Variants in RBFOX1 observed in about 807,000 individuals in gnomAD.
The protein encoded by RBFOX1 is RNA binding protein fox-1 homolog 1.
RBFOX1 carries 8 observed loss-of-function variants against 57.7 expected under a neutral mutation model. The ratio of observed to expected loss-of-function variants is 0.14; its 90% CI spans 0.08 to 0.25. RBFOX1 has a LOEUF of 0.25. Ranked by LOEUF, RBFOX1 falls within the 10% of genes least tolerant of loss-of-function variation. The probability of loss-of-function intolerance (pLI) is 1.00; values close to 1 mark genes in which losing one functional copy is unlikely to be tolerated. For missense variants in RBFOX1, 611 were observed against 548.5 expected (o/e 1.11, Z -1.14); for synonymous variants, 326 against 222.4 (o/e 1.47, Z -4.15).
chr16:7,205,515 G>GAAAAA (rs60458342), intron 4 of RBFOX1, among the ~76,000 whole-genome samples: 7 of 125,630 alleles, frequency 5.6e-5, no homozygotes, highest in Non-Finnish European at 1.7e-5. Context: ...TCTGTCTCAG[G>GAAAAA]AAAAAAAAAA....
chr16:6,327,498 A>G (rs1420029), intron 2 of RBFOX1, among the ~76,000 whole-genome samples: 71,162 of 151,818 alleles, frequency 0.47, 17,074 homozygotes, highest in East Asian at 0.67. Flanking sequence ...GCTCATTTAC[A>G]GTCAGTTCGT....
intron 2 of RBFOX1, among the ~76,000 whole-genome samples, chr16:6,554,408 C>A (rs765887666): frequency 6.6e-6 from 1 of 151,924 alleles, no homozygotes; most frequent in East Asian, 1.9e-4. Context: ...CAAATGTGCA[C>A]GAGGCTTCCC....
At chr16:6,472,705 C>A (rs144671452) in intron 2 of RBFOX1, among the ~76,000 whole-genome samples, 4 of 151,724 alleles carry the variant, frequency 2.6e-5, no homozygotes, top group African/African-American at 9.7e-5. Context: ...CTCACTGCAA[C>A]CTCCGCCTCC....
chr16:5,553,441 G>A (rs35872296), intron 2 of RBFOX1, among the ~76,000 whole-genome samples: 2 of 151,178 alleles, frequency 1.3e-5, no homozygotes, highest in Admixed American at 6.6e-5. Context: ...TCAGCCTCCC[G>A]AGTAGCTGGG....
chr16:5,346,932 T>G (rs2065153469), intron 1 of RBFOX1, among the ~76,000 whole-genome samples: 1 of 152,212 alleles, frequency 6.6e-6, no homozygotes, highest in African/African-American at 2.4e-5. Flanking sequence ...TGGCTTGTGG[T>G]AAGTGCCCTG....
chr16:7,123,435 G>C (rs2067668457), intron 4 of RBFOX1, among the ~76,000 whole-genome samples: 1 of 152,142 alleles, frequency 6.6e-6, no homozygotes, highest in Non-Finnish European at 1.5e-5. Context: ...TGCCAATACA[G>C]CTCACTGTAA....
At chr16:6,148,243 C>T (rs930666453) in intron 1 of RBFOX1, among the ~76,000 whole-genome samples, 2 of 152,178 alleles carry the variant, frequency 1.3e-5, no homozygotes, top group Non-Finnish European at 2.9e-5. Flanking sequence ...AGGGGAATTG[C>T]TTGAATCTGG....
intron 1 of RBFOX1, among the ~76,000 whole-genome samples, chr16:6,256,283 GTGTGTATATA>G (rs2097666341): frequency 7.6e-6 from 1 of 130,864 alleles, no homozygotes; most frequent in Admixed American, 8.0e-5. Flanking sequence ...ATATATATAT[GTGTGTATATA>G]TATATGTATA....
chr16:7,151,926 T>C (rs182375360), intron 4 of RBFOX1, among the ~76,000 whole-genome samples: 2 of 152,300 alleles, frequency 1.3e-5, no homozygotes, highest in Non-Finnish European at 2.9e-5. Context: ...CTATGGGGAA[T>C]GGCTGTAAAT....
At position 5,362,513 on chromosome 16, in the gene RBFOX1, C is replaced by A. The variant is rs146726136; in HGVS notation, c.220-104703C>A. On this transcript the variant is annotated intron_variant, in intron 1 of 2. Transcript: ENST00000585867. ...GAGTAGCTGGGATTACAGGCATGCG[C>A]CAACACGCTTGGCTAATTTTGTATT... 1.0e-2 allele frequency among the ~76,000 whole-genome samples: 1,519 copies of A among 152,312 alleles called. 29 individuals are homozygous for A. Among genetic ancestry groups the A allele is most frequent in the African/African-American group, 0.035 (1,443 of 41,574 alleles).
At chr16:7,456,947 A>G (rs1207147240) in intron 4 of RBFOX1, among the ~76,000 whole-genome samples, 7 of 151,880 alleles carry the variant, frequency 4.6e-5, no homozygotes, top group African/African-American at 1.2e-4. Context: ...GCTGAGTGCA[A>G]TGGCGCGATC....
At chr16:5,490,647 G>C (rs919963079) in intron 2 of RBFOX1, among the ~76,000 whole-genome samples, 1 of 152,160 alleles carries the variant, frequency 6.6e-6, no homozygotes, top group African/African-American at 2.4e-5. Flanking sequence ...ACTCCTATCT[G>C]TGAGCTCCGA....
rs528808293 is a variant in RBFOX1, at chr16:6,818,404, CT to C, written c.-16+163755del. On this transcript the variant is annotated intron_variant, in intron 3 of 15. Coordinates refer to ENST00000550418, the MANE Select transcript of RBFOX1 (RefSeq NM_018723.4). ...CAAGTTTAGAAGAAATGAACTTCAT[CT>C]GACGTACAGATCCATGAGTGGCCAA... Among the ~76,000 whole-genome samples, 341 of 152,184 alleles carry C rather than the reference CT, an allele frequency of 2.2e-3. 2 individuals are homozygous for C. Among genetic ancestry groups the C allele is most frequent in the African/African-American group, 7.8e-3 (324 of 41,530 alleles).
At chr16:6,423,738 A>G (rs79827956) in intron 2 of RBFOX1, among the ~76,000 whole-genome samples, 5,962 of 152,244 alleles carry the variant, frequency 0.039, 413 homozygotes, top group African/African-American at 0.14. Context: ...GGGGAGGTGT[A>G]GGAATCCCAG....
chr16:7,220,143 C>T (rs1476518327), intron 4 of RBFOX1, among the ~76,000 whole-genome samples: 2 of 152,186 alleles, frequency 1.3e-5, no homozygotes, highest in African/African-American at 4.8e-5. Context: ...GCACCCATCT[C>T]CCCTCCCCAC....
intron 2 of RBFOX1, among the ~76,000 whole-genome samples, chr16:5,553,829 G>T (rs1429007786): frequency 6.6e-6 from 1 of 151,754 alleles, no homozygotes; most frequent in Non-Finnish European, 1.5e-5. Flanking sequence ...ATAATTAAAG[G>T]TCAACAAAAT....
chr16:7,146,243 C>T (rs905466772), intron 4 of RBFOX1, among the ~76,000 whole-genome samples: 2 of 152,148 alleles, frequency 1.3e-5, no homozygotes, highest in African/African-American at 2.4e-5. Flanking sequence ...TATGCAGGAA[C>T]AGCAGATGCC....
intron 3 of RBFOX1, among the ~76,000 whole-genome samples, chr16:6,814,222 A>C (rs114311299): frequency 6.9e-6 from 1 of 144,876 alleles, no homozygotes; most frequent in Non-Finnish European, 1.5e-5. Context: ...TTCTTCTTTC[A>C]TGTAATAACA....
chr16:5,327,831 C>T (rs1330310171), intron 1 of RBFOX1, among the ~76,000 whole-genome samples: 1 of 152,224 alleles, frequency 6.6e-6, no homozygotes, highest in Non-Finnish European at 1.5e-5. Context: ...CCAGCAGACT[C>T]ATCCATAGTT....
Sources: allele counts gnomAD v4.1 joint callset (sites outside exome capture counted in the v4.1 genomes callset), GRCh38; gene constraint gnomAD v4.1.1; transcripts MANE v1.5; gene names NCBI Gene and HGNC (gene_info 2026-07-23, HGNC 2026-07-21).